The following KCNQ5 variants were observed in gnomAD, a reference collection of about 807,000 sequenced individuals.
KCNQ5 encodes the protein potassium voltage-gated channel subfamily Q member 5.
In KCNQ5, 30 loss-of-function variants were observed where a neutral mutation model predicts 98.2. The ratio of observed to expected loss-of-function variants is 0.31; its 90% confidence interval spans 0.23 to 0.41. The LOEUF is 0.41. Ranked by LOEUF, KCNQ5 falls within the 10% of genes least tolerant of loss-of-function variation. The pLI is 1.00. For missense variants in KCNQ5, 835 were observed against 1,182.5 expected (o/e 0.71, Z 4.31); for synonymous variants, 458 against 449.4 (o/e 1.02, Z -0.24).
chr6:72,861,251 A>G (rs1777750260), intron 1 of KCNQ5, among the ~76,000 whole-genome samples: 1 of 152,180 alleles, frequency 6.6e-6, no homozygotes, highest in South Asian at 2.1e-4. Flanking sequence ...AGGTGGTTGT[A>G]ACTATGCAGA....
chr6:72,630,790 AT>A (rs762926853), intron 1 of KCNQ5, among the ~76,000 whole-genome samples: 3 of 152,204 alleles, frequency 2.0e-5, no homozygotes, highest in Non-Finnish European at 4.4e-5. Context: ...CTGTATTTAT[AT>A]GATAAAGGTC....
chr6:72,638,689 T>C (rs2098925548), intron 1 of KCNQ5, among the ~76,000 whole-genome samples: 1 of 152,182 alleles, frequency 6.6e-6, no homozygotes, highest in Admixed American at 6.5e-5. Context: ...ACTGCAATCT[T>C]AGTATAGATT....
chr6:72,640,693 G>A (rs2098926762), intron 1 of KCNQ5: 1 of 152,130 alleles, frequency 6.6e-6, no homozygotes, highest in South Asian at 2.1e-4. Context: ...TAGAGAGCTG[G>A]AAGGACCTTT....
At chr6:73,142,716 G>A (rs1184771943) in intron 10 of KCNQ5, among the ~76,000 whole-genome samples, 6 of 152,074 alleles carry the variant, frequency 3.9e-5, no homozygotes, top group Non-Finnish European at 8.8e-5. Context: ...AGGAGTTCGA[G>A]ACCAGCCTGG....
intron 1 of KCNQ5, among the ~76,000 whole-genome samples, chr6:72,978,304 C>A (rs953521526): frequency 1.3e-5 from 2 of 152,194 alleles, no homozygotes; most frequent in Non-Finnish European, 2.9e-5. Flanking sequence ...AAAGCAAGAA[C>A]CTGACTGTGA....
intron 1 of KCNQ5, among the ~76,000 whole-genome samples, chr6:72,796,229 T>C (rs1028641747): frequency 3.3e-5 from 5 of 152,194 alleles, no homozygotes; most frequent in African/African-American, 1.2e-4. Flanking sequence ...TTTGAAGTAA[T>C]TGCCAAGTCC....
chr6:72,777,913 G>T (rs1773241071), intron 1 of KCNQ5, among the ~76,000 whole-genome samples: 2 of 152,100 alleles, frequency 1.3e-5, no homozygotes, highest in South Asian at 4.1e-4. Flanking sequence ...AATATAATCA[G>T]TTCACCGTTA....
intron 1 of KCNQ5, among the ~76,000 whole-genome samples, chr6:72,724,878 T>C (rs1465784964): frequency 6.6e-6 from 1 of 152,198 alleles, no homozygotes; most frequent in African/African-American, 2.4e-5. Flanking sequence ...ATAGAAAATA[T>C]ATTGTTTAAC....
intron 1 of KCNQ5, among the ~76,000 whole-genome samples, chr6:72,945,362 C>T (rs1423172832): frequency 6.6e-6 from 1 of 151,316 alleles, no homozygotes; most frequent in Non-Finnish European, 1.5e-5. Flanking sequence ...AGTAACTCAT[C>T]ATTTAACATT....
intron 1 of KCNQ5, among the ~76,000 whole-genome samples, chr6:72,896,798 T>C (rs139516288): frequency 1.0e-3 from 153 of 152,260 alleles, no homozygotes; most frequent in African/African-American, 3.2e-3. Flanking sequence ...CTGTAGTCAC[T>C]GGTACCTTTG....
chr6:73,095,113 G>A (rs979693928), intron 5 of KCNQ5, among the ~76,000 whole-genome samples: 48 of 152,050 alleles, frequency 3.2e-4, no homozygotes, highest in Non-Finnish European at 5.1e-4. Context: ...GGCTGTGTTC[G>A]TATTTTCTTA....
intron 3 of KCNQ5, chr6:73,043,387 A>C (rs1771809342): frequency 6.3e-6 from 1 of 159,158 alleles, no homozygotes; most frequent in Non-Finnish European, 1.4e-5. Flanking sequence ...CTCCAATAAT[A>C]GGCTTTACTG....
At chr6:73,131,780 T>A (rs1172701409) in intron 9 of KCNQ5, among the ~76,000 whole-genome samples, 2 of 152,190 alleles carry the variant, frequency 1.3e-5, no homozygotes, top group Non-Finnish European at 2.9e-5. Flanking sequence ...CACACATGTG[T>A]CAAGCACAGA....
chr6:72,826,464 T>A (rs1365585257), intron 1 of KCNQ5, among the ~76,000 whole-genome samples: 1 of 151,410 alleles, frequency 6.6e-6, no homozygotes, highest in Admixed American at 6.6e-5. Flanking sequence ...AATTGAAAAA[T>A]GTCTTTTATT....
At chr6:72,968,558 T>C (rs943712634) in intron 1 of KCNQ5, among the ~76,000 whole-genome samples, 11 of 152,196 alleles carry the variant, frequency 7.2e-5, no homozygotes, top group Non-Finnish European at 1.0e-4. Flanking sequence ...AGACAATGAT[T>C]ATTAGGGACT....
At chr6:72,971,560 A>G (rs1767899350) in intron 1 of KCNQ5, among the ~76,000 whole-genome samples, 1 of 152,226 alleles carries the variant, frequency 6.6e-6, no homozygotes, top group African/African-American at 2.4e-5. Context: ...TGTTTACTGC[A>G]GCACTATTCA....
chr6:72,852,849 A>C (rs1395580164), intron 1 of KCNQ5, among the ~76,000 whole-genome samples: 2 of 151,626 alleles, frequency 1.3e-5, no homozygotes, highest in African/African-American at 4.8e-5. Flanking sequence ...CTCTCTAATT[A>C]TTGTATTGCC....
intron 10 of KCNQ5, among the ~76,000 whole-genome samples, chr6:73,139,866 G>A (rs1776633795): frequency 6.6e-6 from 1 of 151,966 alleles, no homozygotes; most frequent in African/African-American, 2.4e-5. Flanking sequence ...TGTTTCTCTT[G>A]GTGACTCCTT....
At chr6:73,138,134 G>C (rs77727607) in intron 10 of KCNQ5, among the ~76,000 whole-genome samples, 107 of 152,280 alleles carry the variant, frequency 7.0e-4, no homozygotes, top group East Asian at 3.9e-4. Flanking sequence ...CAGGATAACA[G>C]CCATACTGGT....
Sources: gnomAD v4.1 joint callset for allele counts (sites outside exome capture counted in the v4.1 genomes callset) on GRCh38, gnomAD v4.1.1 for gene constraint, MANE v1.5 for transcripts, NCBI Gene and HGNC (gene_info 2026-07-23, HGNC 2026-07-21) for gene names.